CRTAC1: variants seen among roughly 807,000 people sequenced by gnomAD.
CRTAC1 encodes cartilage acidic protein 1, also known as acidic secreted protein in cartilage.
In CRTAC1, 37 loss-of-function variants were observed where a neutral mutation model predicts 67.8. That is an observed-to-expected ratio of 0.55 (90% CI 0.42 to 0.72). The LOEUF is 0.72. CRTAC1 is among the 30% of genes least tolerant of loss of function. The probability of loss-of-function intolerance (pLI) is 0.00; values close to 1 mark genes in which losing one functional copy is unlikely to be tolerated. For synonymous variants in CRTAC1, 348 were observed against 371.0 expected (o/e 0.94, Z 0.71); for missense variants, 780 against 931.6 (o/e 0.84, Z 2.12).
chr10:97,872,607 G>A (rs530461690), intron 14 of CRTAC1, among the ~76,000 whole-genome samples: 34 of 152,348 alleles, frequency 2.2e-4, no homozygotes, highest in African/African-American at 7.7e-4. Flanking sequence ...ATTACTGTGA[G>A]TGAATCACTG....
At chr10:98,010,561 T>C (rs1402827813) in intron 2 of CRTAC1, among the ~76,000 whole-genome samples, 5 of 152,122 alleles carry the variant, frequency 3.3e-5, no homozygotes, top group Admixed American at 6.5e-5. Flanking sequence ...AGTCTTATGC[T>C]TTTTTTGCAA....
At chr10:98,028,260 G>A (rs181874835) in intron 1 of CRTAC1, among the ~76,000 whole-genome samples, 1 of 152,352 alleles carries the variant, frequency 6.6e-6, no homozygotes, top group East Asian at 1.9e-4. Flanking sequence ...GATGGTGGTG[G>A]TTGAAGGCTG....
intron 1 of CRTAC1, among the ~76,000 whole-genome samples, chr10:98,013,820 A>G (rs1462467984): frequency 2.0e-5 from 3 of 152,262 alleles, no homozygotes; most frequent in African/African-American, 7.2e-5. Flanking sequence ...GCAGGGTTCT[A>G]CAGTAGTTGC....
chr10:97,925,702 G>C (rs1354400981), intron 3 of CRTAC1, among the ~76,000 whole-genome samples: 1 of 143,212 alleles, frequency 7.0e-6, no homozygotes, highest in African/African-American at 2.6e-5. Context: ...GAGTGTGTGG[G>C]GGGATGAGTG....
At chr10:97,941,890 A>T (rs1434733413) in intron 2 of CRTAC1, among the ~76,000 whole-genome samples, 1 of 152,072 alleles carries the variant, frequency 6.6e-6, no homozygotes, top group Admixed American at 6.5e-5. Flanking sequence ...ACCTGTGATC[A>T]CTCCTGGCCT....
intron 11 of CRTAC1, among the ~76,000 whole-genome samples, chr10:97,890,519 T>C (rs997131869): frequency 6.6e-6 from 1 of 152,216 alleles, no homozygotes; most frequent in Non-Finnish European, 1.5e-5. Flanking sequence ...AGTGTGTTCC[T>C]GTGTATATGA....
intron 2 of CRTAC1, among the ~76,000 whole-genome samples, chr10:97,983,874 C>T (rs558754215): frequency 6.6e-6 from 1 of 152,328 alleles, no homozygotes; most frequent in East Asian, 1.9e-4. Context: ...GCATATAACA[C>T]ACAGCATACA....
At chr10:98,028,720 G>A (rs555752086) in intron 1 of CRTAC1, among the ~76,000 whole-genome samples, 2 of 152,288 alleles carry the variant, frequency 1.3e-5, no homozygotes, top group South Asian at 4.2e-4. Flanking sequence ...GAAGGTCTTG[G>A]GAAATGCAGC....
chr10:97,926,806 G>A (rs111386141), intron 3 of CRTAC1, among the ~76,000 whole-genome samples: 3,891 of 152,240 alleles, frequency 0.026, 158 homozygotes, highest in African/African-American at 0.087. Context: ...GACTTAGGCC[G>A]CCATCATCAT....
At chr10:97,946,805 A>T (rs1042250059) in intron 2 of CRTAC1, among the ~76,000 whole-genome samples, 1 of 152,128 alleles carries the variant, frequency 6.6e-6, no homozygotes, top group African/African-American at 2.4e-5. Context: ...ATTCCCCTCC[A>T]GAAGCCCCAG....
At chr10:97,879,859 A>AGGGGGG in intron 14 of CRTAC1, 1 of 407,946 alleles carries the variant, frequency 2.5e-6, no homozygotes, top group Non-Finnish European at 4.7e-6. Flanking sequence ...GGGGGTGGGG[A>AGGGGGG]CGGGGTGGGG....
rs148893711 is a variant in CRTAC1 at position 97,896,940 on chromosome 10, G to A, written c.1185C>T (p.Gly395=). 1.2e-4 allele frequency: 190 copies of A among 1,560,462 alleles called. No individual in the cohort carries two copies. The African/African-American group carries it at 1.9e-3, about 16-fold the overall frequency. The change falls in exon 9 of 15, where the codon GGC becomes GGT. Residue 395 remains glycine, a synonymous_variant. Coordinates refer to ENST00000370597, the MANE Select transcript of CRTAC1 (RefSeq NM_018058.7). The part of the protein sequence containing the change: ...GDPLIEELNP[G]DALEPEGRGT... ...CCCGGCCCTCAGGCTCCAAGGCGTCGCCGGGATTGAGCTCCTCGATGAGGG... is the reference window on the plus strand; with the variant it reads ...CCCGGCCCTCAGGCTCCAAGGCGTCACCGGGATTGAGCTCCTCGATGAGGG...
At chr10:97,916,712 A>C (rs2050764233) in intron 5 of CRTAC1, among the ~76,000 whole-genome samples, 1 of 152,184 alleles carries the variant, frequency 6.6e-6, no homozygotes, top group Non-Finnish European at 1.5e-5. Flanking sequence ...TCCCAAGTGC[A>C]GGTCTGGTAT....
chr10:98,016,089 A>C (rs60857485), intron 1 of CRTAC1, among the ~76,000 whole-genome samples: 2,000 of 152,276 alleles, frequency 0.013, 53 homozygotes, highest in African/African-American at 0.046. Flanking sequence ...ATTGACAAGG[A>C]GTGACAAAGA....
At chr10:97,973,409 C>A (rs1442010845) in intron 2 of CRTAC1, among the ~76,000 whole-genome samples, 2 of 151,802 alleles carry the variant, frequency 1.3e-5, no homozygotes, top group African/African-American at 4.8e-5. Context: ...CCTTTTCTGC[C>A]TAGTGATTTC....
At chr10:97,931,185 T>G (rs937613476) in intron 3 of CRTAC1, among the ~76,000 whole-genome samples, 6 of 152,140 alleles carry the variant, frequency 3.9e-5, no homozygotes, top group Non-Finnish European at 7.4e-5. Flanking sequence ...ACTGTAAAAA[T>G]AGATGAAATA....
chr10:98,006,346 C>T (rs776104383), intron 2 of CRTAC1, among the ~76,000 whole-genome samples: 79 of 152,148 alleles, frequency 5.2e-4, no homozygotes, highest in Non-Finnish European at 9.4e-4. Flanking sequence ...TTCCCCTCAC[C>T]CCACAGGGAG....
At chr10:97,882,873 C>G (rs1266977038) in intron 12 of CRTAC1, 45 bp from the exon 13 acceptor site, 1 of 1,600,996 alleles carries the variant, frequency 6.2e-7, no homozygotes, top group Non-Finnish European at 8.6e-7. Flanking sequence ...TTGAGAAGGT[C>G]CCATCCCAGG....
intron 1 of CRTAC1, among the ~76,000 whole-genome samples, chr10:98,021,927 T>C (rs969108635): frequency 3.3e-5 from 5 of 152,194 alleles, no homozygotes; most frequent in Non-Finnish European, 7.3e-5. Flanking sequence ...CTATACACAT[T>C]AATTCTTCAA....
Sources: gnomAD v4.1 joint callset for allele counts (sites outside exome capture counted in the v4.1 genomes callset) on GRCh38, gnomAD v4.1.1 for gene constraint, MANE v1.5 for transcripts, NCBI Gene and HGNC (gene_info 2026-07-23, HGNC 2026-07-21) for gene names.